Variants in TAMM41 observed in about 807,000 individuals in gnomAD.
TAMM41 encodes the protein phosphatidate cytidylyltransferase, mitochondrial.
A neutral mutation model predicts 44.1 loss-of-function variants in TAMM41; 36 were observed. The ratio of observed to expected loss-of-function variants is 0.82; its 90% confidence interval spans 0.63 to 1.08. TAMM41 has a LOEUF of 1.08. Ranked by LOEUF, TAMM41 falls within the 50% of genes least tolerant of loss-of-function variation. The pLI is 0.00. For missense variants in TAMM41, 417 were observed against 404.3 expected (o/e 1.03, Z -0.27); for synonymous variants, 164 against 153.1 (o/e 1.07, Z -0.53).
chr3:11,813,456 G>A (rs1346616180), intron 5 of TAMM41, among the ~76,000 whole-genome samples: 1 of 152,144 alleles, frequency 6.6e-6, no homozygotes, highest in African/African-American at 2.4e-5. Flanking sequence ...CTTGAACTTG[G>A]GAGGCGGAGG....
chr3:11,726,130 CA>C, the TAMM41 span, among the ~76,000 whole-genome samples: 2 of 152,244 alleles, frequency 1.3e-5, no homozygotes, highest in African/African-American at 4.8e-5. Context: ...CTGTTCCCCT[CA>C]TTGCACTAAC....
the TAMM41 span, among the ~76,000 whole-genome samples, chr3:11,781,793 G>C: frequency 6.8e-6 from 1 of 147,992 alleles, no homozygotes; most frequent in Non-Finnish European, 1.5e-5. Flanking sequence ...ATACAAATAA[G>C]AGACCCAGGT....
chr3:11,735,139 C>T, the TAMM41 span, among the ~76,000 whole-genome samples: 1 of 151,882 alleles, frequency 6.6e-6, no homozygotes, highest in Non-Finnish European at 1.5e-5. Flanking sequence ...AAGGGAGGAT[C>T]ACTTGAGCCA....
At chr3:11,753,421 A>G in the TAMM41 span, among the ~76,000 whole-genome samples, 1 of 151,736 alleles carries the variant, frequency 6.6e-6, no homozygotes, top group Non-Finnish European at 1.5e-5. Context: ...GTGACATAGC[A>G]AGACTGTATC....
intron 7 of TAMM41, chr3:11,807,311 T>C (rs2077939380): frequency 1.4e-6 from 2 of 1,445,886 alleles, no homozygotes; most frequent in African/African-American, 2.9e-5. Flanking sequence ...GGTGCGTACA[T>C]TTGATGAGGG....
intron 5 of TAMM41, chr3:11,809,903 C>A (rs1440486735): frequency 4.9e-6 from 2 of 405,068 alleles, no homozygotes; most frequent in Non-Finnish European, 4.3e-6. Context: ...TATAATATTC[C>A]ATTTCTACCT....
At chr3:11,804,385 C>T (rs2077840493) in intron 7 of TAMM41, among the ~76,000 whole-genome samples, 1 of 152,170 alleles carries the variant, frequency 6.6e-6, no homozygotes, top group African/African-American at 2.4e-5. Flanking sequence ...TGTCATCTAC[C>T]CATTACCCAC....
intron 4 of TAMM41, among the ~76,000 whole-genome samples, chr3:11,825,690 A>G (rs1432536358): frequency 6.6e-6 from 1 of 152,204 alleles, no homozygotes; most frequent in Non-Finnish European, 1.5e-5. Flanking sequence ...CTCTCATAGG[A>G]GAGTGCCCGA....
chr3:11,805,109 T>G (rs899852817), intron 7 of TAMM41, among the ~76,000 whole-genome samples: 3 of 144,740 alleles, frequency 2.1e-5, no homozygotes, highest in African/African-American at 7.6e-5. Flanking sequence ...GTTCAAGCAA[T>G]TCTCCTGCCT....
chr3:11,807,145 G>C, intron 7 of TAMM41: 1 of 1,232,276 alleles, frequency 8.1e-7, no homozygotes, highest in Non-Finnish European at 1.0e-6. Context: ...AGTAAATGGG[G>C]GACCCCCTAG....
the TAMM41 span, among the ~76,000 whole-genome samples, chr3:11,750,138 C>T: frequency 3.9e-5 from 6 of 152,044 alleles, no homozygotes; most frequent in South Asian, 6.2e-4. Context: ...CCTCGTGATC[C>T]GCCCGCCTCG....
chr3:11,743,594 A>C, the TAMM41 span, among the ~76,000 whole-genome samples: 4 of 152,062 alleles, frequency 2.6e-5, no homozygotes, highest in African/African-American at 9.7e-5. Context: ...CGACCTCTCA[A>C]AGTACTGGGA....
chr3:11,835,399 T>C (rs530856770), intron 3 of TAMM41, among the ~76,000 whole-genome samples: 9 of 152,356 alleles, frequency 5.9e-5, no homozygotes, highest in Admixed American at 2.0e-4. Context: ...TATGATACCC[T>C]AATTTTCTTG....
Position 11,829,877 on chromosome 3 carries a change from G to A in TAMM41, c.412-13C>T. On this transcript the variant is annotated splice_polypyrimidine_tract_variant and intron_variant, in intron 3 of 7. Coordinates refer to ENST00000455809, the MANE Select transcript of TAMM41 (RefSeq NM_001284401.2). ...AGATAATTTTCACCTGAAAGAAGCA[G>A]AACATTGGGAAGAAAAATTCCAGAA... 1 of 1,613,014 alleles carries A rather than the reference G, an allele frequency of 6.2e-7. No homozygotes were observed. Among genetic ancestry groups the A allele is most frequent in the Non-Finnish European group, 8.5e-7 (1 of 1,179,496 alleles).
the TAMM41 span, among the ~76,000 whole-genome samples, chr3:11,781,770 A>G: frequency 1.9e-5 from 1 of 52,766 alleles, no homozygotes; most frequent in Non-Finnish European, 4.0e-5. Context: ...TAATAATAAT[A>G]ATAATAATAA....
the TAMM41 span, among the ~76,000 whole-genome samples, chr3:11,737,089 C>T: frequency 2.0e-4 from 30 of 151,996 alleles, no homozygotes; most frequent in Non-Finnish European, 3.1e-4. Flanking sequence ...ACCACTTTCT[C>T]GGACTGATTC....
At chr3:11,770,949 C>T in the TAMM41 span, among the ~76,000 whole-genome samples, 3 of 152,168 alleles carry the variant, frequency 2.0e-5, no homozygotes, top group Non-Finnish European at 4.4e-5. Flanking sequence ...CATGTACCCC[C>T]TTCACTCCCA....
chr3:11,754,636 C>T, the TAMM41 span, among the ~76,000 whole-genome samples: 4 of 151,220 alleles, frequency 2.6e-5, no homozygotes, highest in Admixed American at 2.6e-4. Context: ...CCCAAAAATG[C>T]TGGGATTACA....
At chr3:11,783,526 T>C in the TAMM41 span, among the ~76,000 whole-genome samples, 2 of 152,214 alleles carry the variant, frequency 1.3e-5, no homozygotes, top group Non-Finnish European at 2.9e-5. Context: ...CATGAGATAG[T>C]TGTAAATTCT....
Sources: allele counts gnomAD v4.1 joint callset (sites outside exome capture counted in the v4.1 genomes callset), GRCh38; gene constraint gnomAD v4.1.1; transcripts MANE v1.5; gene names NCBI Gene and HGNC (gene_info 2026-07-23, HGNC 2026-07-21).